CES5A: variants seen among roughly 807,000 people sequenced by gnomAD.
The protein encoded by CES5A is carboxylesterase 5A, also known as carboxylesterase 5.
A neutral mutation model predicts 62.9 loss-of-function variants in CES5A; 67 were observed. The ratio of observed to expected loss-of-function variants is 1.07; its 90% CI spans 0.88 to 1.31. CES5A has a LOEUF of 1.31. Ranked by LOEUF, CES5A falls within the 50% of genes most tolerant of loss-of-function variation. CES5A has a pLI of 0.00. For missense variants in CES5A, 748 were observed against 708.5 expected (o/e 1.06, Z -0.63); for synonymous variants, 296 against 280.8 (o/e 1.05, Z -0.54).
At chr16:55,876,959 C>T (rs1003589018), upstream of CES5A, among the ~76,000 whole-genome samples, 1 of 152,166 alleles carries the variant, frequency 6.6e-6, no homozygotes, top group Non-Finnish European at 1.5e-5. Context: ...GTGTTGAGCA[C>T]TGGGCAGGGT....
intron 7 of CES5A, 112 bp from the exon 8 acceptor site, chr16:55,859,799 A>G (rs1410162669): frequency 2.9e-5 from 26 of 895,908 alleles, no homozygotes; most frequent in Non-Finnish European, 3.8e-5. Flanking sequence ...GCACTGGCTT[A>G]AATGCACTTA....
chr16:55,907,244 A>G (rs2034047982), intron 1 of CES5A, among the ~76,000 whole-genome samples: 2 of 152,196 alleles, frequency 1.3e-5, no homozygotes, highest in African/African-American at 4.8e-5. Context: ...ACTCCAGCAG[A>G]CAGAAGGGCA....
chr16:55,859,602 G>T lies in CES5A; in HGVS notation c.1001C>A (p.Ala334Glu). 1 of 1,613,712 alleles carries T rather than the reference G, an allele frequency of 6.2e-7. No individual in the cohort carries two copies. The highest frequency in any genetic ancestry group is 8.5e-7 in the Non-Finnish European group (1 of 1,179,802). ...LDLLSQKAFKAIPSIIGVNNH... is the reference protein window; with the variant it reads ...LDLLSQKAFKEIPSIIGVNNH... ...ATTGACTCCGATGATGGAAGGAATT[G>T]CTTTAAATGCTTTCTGAGACAATAG... The change falls in exon 8 of 13, where the codon GCA (alanine) becomes GAA (glutamate). Residue 334 changes from alanine to glutamate, a missense_variant. Transcript: ENST00000290567.
upstream of CES5A, among the ~76,000 whole-genome samples, chr16:55,928,814 C>T (rs1406548668): frequency 2.0e-5 from 3 of 152,112 alleles, no homozygotes; most frequent in Admixed American, 6.5e-5. Flanking sequence ...CTCTTCAATG[C>T]CTTTCCCCCA....
intron 2 of CES5A, among the ~76,000 whole-genome samples, chr16:55,930,940 A>C (rs544376664): frequency 1.5e-4 from 23 of 152,216 alleles, no homozygotes; most frequent in Non-Finnish European, 3.4e-4. Flanking sequence ...AAAAAATTAC[A>C]TCCTACTTCA....
At chr16:55,850,284 C>T (rs2033104505) in intron 10 of CES5A, among the ~76,000 whole-genome samples, 1 of 152,146 alleles carries the variant, frequency 6.6e-6, no homozygotes, top group African/African-American at 2.4e-5. Context: ...GTTTTTAGTA[C>T]ATTTAGGATG....
At chr16:55,875,081 T>A in intron 1 of CES5A, 68 bp downstream of exon 1, 1 of 1,467,026 alleles carries the variant, frequency 6.8e-7, no homozygotes, top group Non-Finnish European at 9.6e-7. Flanking sequence ...ATAACTTCAT[T>A]TCTACCAGTG....
chr16:55,912,994 G>A (rs1163084685), intron 1 of CES5A, among the ~76,000 whole-genome samples: 1 of 152,204 alleles, frequency 6.6e-6, no homozygotes, highest in Non-Finnish European at 1.5e-5. Context: ...CGGCTGCCTA[G>A]ACAGAGCAGA....
At chr16:55,888,861 C>A (rs1360240801) in intron 1 of CES5A, among the ~76,000 whole-genome samples, 1 of 152,210 alleles carries the variant, frequency 6.6e-6, no homozygotes, top group Non-Finnish European at 1.5e-5. Flanking sequence ...CTTTAACCAT[C>A]ATGCTATTCG....
chr16:55,858,488 C>A (rs4260057), intron 8 of CES5A, among the ~76,000 whole-genome samples: 49,820 of 151,980 alleles, frequency 0.33, 9,357 homozygotes, highest in African/African-American at 0.51. Flanking sequence ...CACTGAAAGG[C>A]CTTACTTAAG....
intron 2 of CES5A, among the ~76,000 whole-genome samples, chr16:55,939,860 A>C (rs903717082): frequency 6.6e-6 from 1 of 152,194 alleles, no homozygotes; most frequent in Non-Finnish European, 1.5e-5. Flanking sequence ...GAAATCAGTA[A>C]GAGAAAAACA....
rs2033653959 is a variant in CES5A, at chr16:55,874,155, G to A, written c.74-118C>T. ...CCTTCACTCAGAAGTTGTGCAGCTG[G>A]TGGTATCCAGGTTCCCTCTCCATGA... On this transcript the variant is annotated intron_variant, in intron 1 of 12. Coordinates refer to ENST00000290567, the MANE Select transcript of CES5A (RefSeq NM_001143685.2). The A allele has an allele frequency of 6.8e-6, 6 of 879,312 alleles. No homozygotes were observed. The South Asian group carries it at 9.9e-5, about 14-fold the overall frequency. 54.5% of individuals were successfully genotyped at this position (879,312 alleles called of 1,614,324 possible).
intron 1 of CES5A, 147 bp from the exon 2 acceptor site, chr16:55,874,184 C>T: frequency 1.4e-6 from 1 of 700,804 alleles, no homozygotes; most frequent in Non-Finnish European, 2.4e-6. Context: ...TCCATGAATC[C>T]AGTTCCATGG....
chr16:55,849,082 AT>A (rs1279367559), intron 11 of CES5A, among the ~76,000 whole-genome samples: 8 of 152,232 alleles, frequency 5.3e-5, no homozygotes, highest in Non-Finnish European at 2.9e-5. Flanking sequence ...CTTCCCTGTA[AT>A]TTTTTTCTAT....
chr16:55,889,606 CT>C (rs1231828967), intron 1 of CES5A, among the ~76,000 whole-genome samples: 5 of 152,110 alleles, frequency 3.3e-5, no homozygotes, highest in Admixed American at 1.3e-4. Context: ...TGCCCCACCC[CT>C]GACCCTAAAC....
chr16:55,941,700 C>G (rs4316749), intron 2 of CES5A, among the ~76,000 whole-genome samples: 32,681 of 151,934 alleles, frequency 0.22, 3,923 homozygotes, highest in Middle Eastern at 0.38. Flanking sequence ...AGCACTTACA[C>G]TACCTGATTG....
intron 1 of CES5A, among the ~76,000 whole-genome samples, chr16:55,901,611 T>C (rs944377973): frequency 6.6e-6 from 1 of 152,148 alleles, no homozygotes; most frequent in East Asian, 1.9e-4. Flanking sequence ...CCTCTCCAGA[T>C]TTTCTATTTA....
upstream of CES5A, among the ~76,000 whole-genome samples, chr16:55,879,133 A>G (rs1444579538): frequency 2.4e-5 from 3 of 126,960 alleles, no homozygotes; most frequent in Non-Finnish European, 5.0e-5. Flanking sequence ...GCACCCCACC[A>G]TTGCACCTCC....
chr16:55,949,174 G>T (rs2034528252), intron 2 of CES5A, among the ~76,000 whole-genome samples: 1 of 152,204 alleles, frequency 6.6e-6, no homozygotes, highest in African/African-American at 2.4e-5. Flanking sequence ...AGTTTAGCAG[G>T]CATGAGGTTT....
Sources: gnomAD v4.1 joint callset for allele counts (sites outside exome capture counted in the v4.1 genomes callset) on GRCh38, gnomAD v4.1.1 for gene constraint, MANE v1.5 for transcripts, NCBI Gene and HGNC (gene_info 2026-07-23, HGNC 2026-07-21) for gene names.